F10: variants seen among roughly 807,000 people sequenced by gnomAD.
F10 encodes the protein Stuart-Prower factor.
F10 carries 29 observed loss-of-function variants against 37.1 expected under a neutral mutation model. The ratio of observed to expected loss-of-function variants is 0.78; its 90% CI spans 0.58 to 1.07. The LOEUF (loss-of-function observed/expected upper bound fraction) is 1.07. Ranked by LOEUF, F10 falls within the 50% of genes least tolerant of loss-of-function variation. The probability of loss-of-function intolerance (pLI) is 0.00; values close to 1 mark genes in which losing one functional copy is unlikely to be tolerated. For synonymous variants in F10, 262 were observed against 268.6 expected (o/e 0.98, Z 0.24); for missense variants, 539 against 667.9 (o/e 0.81, Z 2.13).
chr13:113,133,355 A>G (rs1040776755), intron 2 of F10, among the ~76,000 whole-genome samples: 7 of 152,296 alleles, frequency 4.6e-5, no homozygotes, highest in Non-Finnish European at 8.8e-5. Flanking sequence ...TGGAAATGGA[A>G]GAGAGGGGAC....
chr13:113,125,502 T>C lies in F10; in HGVS notation c.70+2577T>C, dbSNP rs117255583. On this transcript the variant is annotated intron_variant, in intron 1 of 7. Transcript: ENST00000375559. The stretch of plus-strand genomic sequence containing the variant: ...GAAGAAACAAACCACACGACAAATG[T>C]CTACCAATCTGGATGCTCCATATCA... Among the ~76,000 whole-genome samples the C allele has an allele frequency of 2.0e-4, 30 of 152,368 alleles. No individual in the cohort carries two copies. The East Asian group carries it at 5.6e-3, about 28-fold the overall frequency.
intron 1 of F10, among the ~76,000 whole-genome samples, chr13:113,124,823 CA>C (rs939777059): frequency 6.6e-6 from 1 of 152,212 alleles, no homozygotes; most frequent in Non-Finnish European, 1.5e-5. Flanking sequence ...GCTGGAAGTT[CA>C]AAATCAAGGC....
At chr13:113,127,278 C>T (rs1161275556) in intron 1 of F10, among the ~76,000 whole-genome samples, 2 of 152,130 alleles carry the variant, frequency 1.3e-5, no homozygotes, top group East Asian at 3.9e-4. Context: ...AAATTTTGGA[C>T]ATGGAGAGTT....
intron 2 of F10, among the ~76,000 whole-genome samples, chr13:113,136,575 A>G (rs1186477199): frequency 6.7e-6 from 1 of 149,016 alleles, no homozygotes; most frequent in Admixed American, 6.7e-5. Flanking sequence ...CTCCTGCCTC[A>G]GCCTCCCAAG....
In F10 at chr13:113,143,703, GGGGCCTCGCCC is replaced by G; in HGVS notation, c.503-147_503-137del. The stretch of plus-strand genomic sequence containing the variant: ...CAGATCCGACCCCTGCCGACGACGT[GGGGCCTCGCCC>G]TGCAAGCCCGCTGCCCCTCCGGGTG... On this transcript the variant is annotated intron_variant, in intron 5 of 7. Coordinates refer to ENST00000375559, the MANE Select transcript of F10 (RefSeq NM_000504.4). The surrounding 1 kb of genome is among the most constrained non-coding windows in gnomAD (Gnocchi z 6.8). The G allele has an allele frequency of 2.1e-5, 25 of 1,188,166 alleles. No homozygotes were observed. The Admixed American group carries it at 2.6e-4, about 12-fold the overall frequency. 73.6% of individuals were successfully genotyped at this position (1,188,166 alleles called of 1,614,324 possible).
chr13:113,125,136 T>C (rs961591925), intron 1 of F10, among the ~76,000 whole-genome samples: 1 of 152,242 alleles, frequency 6.6e-6, no homozygotes, highest in Non-Finnish European at 1.5e-5. Context: ...AAGACATGAA[T>C]TTGGAGGGAC....
At position 113,122,828 on chromosome 13, in the gene F10, G is replaced by A. The variant is rs756113308; in HGVS notation, c.-28G>A. ...TTGCTCCAGCAGCCTGTCCCAGTGA[G>A]GACAGGGACACAGTACTCGGCCACA... On this transcript the variant is annotated 5_prime_UTR_variant, in exon 1 of 8. Coordinates refer to ENST00000375559, the MANE Select transcript of F10 (RefSeq NM_000504.4). 9 of 1,606,398 alleles carry A rather than the reference G, an allele frequency of 5.6e-6. No individual in the cohort carries two copies. In the African/African-American group the frequency reaches 1.2e-4, roughly 21 times the overall value.
chr13:113,143,603 G>T lies in F10; in HGVS notation c.503-248G>T, dbSNP rs1374679843. Among the ~76,000 whole-genome samples, 2 of 152,180 alleles carry T rather than the reference G, an allele frequency of 1.3e-5. No homozygotes were observed. Among genetic ancestry groups the T allele is most frequent in the African/African-American group, 2.4e-5 (1 of 41,430 alleles). ...CGCCAACACTCCCCTCGCTGCCTGG[G>T]TTGCTGCCTGGCGTCCATTGTTCAC... is the stretch of plus-strand genomic sequence containing the variant. On this transcript the variant is annotated intron_variant, in intron 5 of 7. Transcript: ENST00000375559. The surrounding 1 kb of genome is among the most constrained non-coding windows in gnomAD (Gnocchi z 6.8).
rs376941756 is a variant in F10 at position 113,141,797 on chromosome 13, C to T, written c.502+747C>T. ...ACCCCACTCCCACTCATAGCTGGCCCGACCCGCAGCGTTGGCCTCACCCGG... is the reference window on the plus strand; with the variant it reads ...ACCCCACTCCCACTCATAGCTGGCCTGACCCGCAGCGTTGGCCTCACCCGG... On this transcript the variant is annotated intron_variant, in intron 5 of 7. Transcript: ENST00000375559. The surrounding 1 kb of genome is among the most constrained non-coding windows in gnomAD (Gnocchi z 5.4). Among the ~76,000 whole-genome samples the T allele has an allele frequency of 8.5e-5, 13 of 152,304 alleles. No homozygotes were observed. The highest frequency in any genetic ancestry group is 3.9e-4 in the East Asian group (2 of 5,174).
rs1291604504 is a variant in F10, at chr13:113,143,694, C to T, written c.503-157C>T. 2.0e-5 allele frequency among the ~76,000 whole-genome samples: 3 copies of T among 152,136 alleles called. No individual in the cohort carries two copies. Among genetic ancestry groups the T allele is most frequent in the Non-Finnish European group, 2.9e-5 (2 of 68,018 alleles). ...GCTCACCTGCAGATCCGACCCCTGC[C>T]GACGACGTGGGGCCTCGCCCTGCAA... is the stretch of plus-strand genomic sequence containing the variant. On this transcript the variant is annotated intron_variant, in intron 5 of 7. Transcript: ENST00000375559. This position sits in a 1 kb window ranked among gnomAD's most constrained non-coding sequence, Gnocchi z 6.8.
chr13:113,124,231 G>A (rs1326782952), intron 1 of F10, among the ~76,000 whole-genome samples: 1 of 152,230 alleles, frequency 6.6e-6, no homozygotes, highest in African/African-American at 2.4e-5. Context: ...TCCTCTTCCT[G>A]GGAAGAAGCA....
intron 1 of F10, among the ~76,000 whole-genome samples, chr13:113,126,166 AC>A (rs1432264242): frequency 1.3e-5 from 2 of 151,630 alleles, no homozygotes; most frequent in African/African-American, 4.9e-5. Context: ...CCATGGGAAG[AC>A]CCTGGGCTCT....
intron 2 of F10, among the ~76,000 whole-genome samples, chr13:113,138,000 A>AT (rs1342301084): frequency 6.6e-6 from 1 of 152,170 alleles, no homozygotes; most frequent in Non-Finnish European, 1.5e-5. Context: ...GCCTGTGGAC[A>AT]TTTTTTAGCG....
At chr13:113,148,540 T>C (rs1233059977) in intron 7 of F10, among the ~76,000 whole-genome samples, 1 of 152,030 alleles carries the variant, frequency 6.6e-6, no homozygotes, top group African/African-American at 2.4e-5. Flanking sequence ...TATTTTACGT[T>C]CATGGCACAA....
chr13:113,137,699 CGGCAATCATG>C (rs1267794648), intron 2 of F10, among the ~76,000 whole-genome samples: 1 of 152,122 alleles, frequency 6.6e-6, no homozygotes, highest in East Asian at 1.9e-4. Flanking sequence ...CAGGAGCACC[CGGCAATCATG>C]GGCATCCTTG....
intron 2 of F10, among the ~76,000 whole-genome samples, chr13:113,132,449 A>G (rs1228734381): frequency 6.6e-6 from 1 of 152,216 alleles, no homozygotes; most frequent in Admixed American, 6.5e-5. Context: ...TATTAGGAAA[A>G]CACATATGCA....
intron 7 of F10, among the ~76,000 whole-genome samples, 193 bp downstream of exon 7, chr13:113,147,689 G>A (rs559859831): frequency 2.6e-5 from 4 of 152,174 alleles, no homozygotes; most frequent in Admixed American, 6.5e-5. Flanking sequence ...GGAGGAGGAC[G>A]GGGAGGGGAG....
intron 2 of F10, 57 bp from the exon 3 acceptor site, chr13:113,138,400 G>C (rs75702376): frequency 3.5e-6 from 3 of 847,800 alleles, no homozygotes; most frequent in African/African-American, 1.7e-5. Flanking sequence ...GGTTGTTATT[G>C]GTATAAAATG....
At chr13:113,137,848 A>C (rs912577392) in intron 2 of F10, among the ~76,000 whole-genome samples, 2 of 152,174 alleles carry the variant, frequency 1.3e-5, no homozygotes, top group African/African-American at 4.8e-5. Context: ...CTGACCCAGC[A>C]TGATCTCTTC....
Sources: allele counts gnomAD v4.1 joint callset (sites outside exome capture counted in the v4.1 genomes callset), GRCh38; gene constraint gnomAD v4.1.1; non-coding constraint Gnocchi (gnomAD v3.1); transcripts MANE v1.5; gene names NCBI Gene and HGNC (gene_info 2026-07-23, HGNC 2026-07-21).